Variants in TRANK1 observed in about 807,000 individuals in gnomAD.
TRANK1 encodes the protein tetratricopeptide repeat and ankyrin repeat containing 1.
TRANK1 carries 198 observed loss-of-function variants against 266.0 expected under a neutral mutation model. The observed-to-expected ratio is 0.74, with a 90% CI of 0.66 to 0.84. The LOEUF (loss-of-function observed/expected upper bound fraction) is 0.84. TRANK1 is among the 40% of genes least tolerant of loss of function. The probability of loss-of-function intolerance (pLI) is 0.00; values close to 1 mark genes in which losing one functional copy is unlikely to be tolerated. For missense variants in TRANK1, 3,326 were observed against 3,634.6 expected (o/e 0.92, Z 2.18); for synonymous variants, 1,396 against 1,384.1 (o/e 1.01, Z -0.19).
At position 36,857,277 on chromosome 3, in the gene TRANK1, A is replaced by G; in HGVS notation, c.2445T>C (p.Asp815=). The change falls in exon 13 of 24, where the codon GAT becomes GAC. Residue 815 remains aspartate, a synonymous_variant. Coordinates refer to ENST00000645898, the MANE Select transcript of TRANK1 (RefSeq NM_001329998.2). This position sits in a 1 kb window ranked among gnomAD's most constrained non-coding sequence, Gnocchi z 4.3. The part of the protein sequence containing the change: ...NRGKEGNDDQ[D]DWSTQEIEAC... ...CCTCAATCTCCTGCGTGCTCCAGTC[A>G]TCCTGATCATCATTGCCCTCCTTCC... 1 of 1,610,684 alleles carries G rather than the reference A, an allele frequency of 6.2e-7. No homozygotes were observed. The highest frequency in any genetic ancestry group is 8.5e-7 in the Non-Finnish European group (1 of 1,178,224).
intron 2 of TRANK1, among the ~76,000 whole-genome samples, chr3:36,907,920 G>GTAAGAAGCTGAAGGGGCA (rs2079996711): frequency 6.6e-6 from 1 of 152,212 alleles, no homozygotes; most frequent in African/African-American, 2.4e-5. Context: ...GAACAGGTCT[G>GTAAGAAGCTGAAGGGGCA]TAAGAAGCTG....
intron 17 of TRANK1, 30 bp downstream of exon 17, chr3:36,846,218 T>C: frequency 6.5e-7 from 1 of 1,534,798 alleles, no homozygotes; most frequent in East Asian, 2.4e-5. Context: ...GATTCCTCCA[T>C]CAGTTAAGAG....
chr3:36,924,646 A>C (rs1271785739), intron 1 of TRANK1, among the ~76,000 whole-genome samples: 2 of 152,138 alleles, frequency 1.3e-5, no homozygotes, highest in Non-Finnish European at 1.5e-5. Flanking sequence ...AGAGACAAAA[A>C]CCAGGCTCAA....
chr3:36,844,030 C>T (rs1179724250), intron 17 of TRANK1, among the ~76,000 whole-genome samples: 2 of 152,100 alleles, frequency 1.3e-5, no homozygotes, highest in Non-Finnish European at 2.9e-5. Flanking sequence ...CATACTGAAT[C>T]CAAACACAAT....
At chr3:36,838,537 G>C in intron 19 of TRANK1, 33 bp from the exon 20 acceptor site, 1 of 1,613,908 alleles carries the variant, frequency 6.2e-7, no homozygotes, top group Non-Finnish European at 8.5e-7. Flanking sequence ...ATATTTCCAC[G>C]GAACATTGAC....
rs1180042549 is a variant in TRANK1 at position 36,918,606 on chromosome 3, G to GGAAAGAAA, written c.24-10160_24-10153dup. Among the ~76,000 whole-genome samples, 46 of 22,134 alleles carry GGAAAGAAA rather than the reference G, an allele frequency of 2.1e-3. 3 individuals are homozygous for GGAAAGAAA. Among genetic ancestry groups the GGAAAGAAA allele is most frequent in the East Asian group, 2.8e-3 (2 of 704 alleles). 14.5% of individuals were successfully genotyped at this position (22,134 alleles called of 152,430 possible). On this transcript the variant is annotated intron_variant, in intron 1 of 23. Transcript: ENST00000645898. ...AGGAAGGAAGGAAGGAAGGAAGGAA[G>GGAAAGAAA]GAAAGAAAGAAAGAAAGAAAGAAAG...
chr3:36,865,031 T>G (rs1012616286), intron 9 of TRANK1, among the ~76,000 whole-genome samples: 1 of 144,966 alleles, frequency 6.9e-6, no homozygotes, highest in Non-Finnish European at 1.5e-5. Flanking sequence ...TTGGTTTTTT[T>G]TTTTTTTTTT....
chr3:36,917,325 T>A (rs2080139991), intron 1 of TRANK1, among the ~76,000 whole-genome samples: 1 of 152,082 alleles, frequency 6.6e-6, no homozygotes, highest in Non-Finnish European at 1.5e-5. Flanking sequence ...CAAATAGAAA[T>A]ATATTCTATA....
Position 36,855,471 on chromosome 3 carries a change from T to A in TRANK1, c.4251A>T (p.Ile1417=). The change falls in exon 13 of 24, where the codon ATA becomes ATT. Residue 1417 remains isoleucine, a synonymous_variant. Coordinates refer to ENST00000645898, the MANE Select transcript of TRANK1 (RefSeq NM_001329998.2). ...YFDEEDVLYN[I]SRRLSKLRVL... ...CCCTGAGCTTCGACAGCCTCCGGGA[T>A]ATGTTGTACAGAACATCCTCTTCAT... 3 of 1,613,962 alleles carry A rather than the reference T, an allele frequency of 1.9e-6. No individual in the cohort carries two copies. The highest frequency in any genetic ancestry group is 2.5e-6 in the Non-Finnish European group (3 of 1,179,882).
At chr3:36,879,355 A>C (rs907520343) in intron 8 of TRANK1, among the ~76,000 whole-genome samples, 3 of 151,574 alleles carry the variant, frequency 2.0e-5, no homozygotes, top group Non-Finnish European at 2.9e-5. Context: ...TTTACTGATA[A>C]AGGAAGCAAC....
At chr3:36,854,172 C>T (rs985292800) in intron 13 of TRANK1, among the ~76,000 whole-genome samples, 22 of 152,162 alleles carry the variant, frequency 1.4e-4, no homozygotes, top group Middle Eastern at 3.4e-3. Flanking sequence ...ACCAGCCTGA[C>T]GAACATAGTG....
intron 1 of TRANK1, among the ~76,000 whole-genome samples, chr3:36,918,765 G>T (rs1036156434): frequency 3.9e-5 from 6 of 152,006 alleles, no homozygotes; most frequent in Non-Finnish European, 5.9e-5. Context: ...TTTTCCTTAC[G>T]CACACTATGT....
At chr3:36,932,330 G>A (rs2080371531) in intron 1 of TRANK1, among the ~76,000 whole-genome samples, 1 of 152,184 alleles carries the variant, frequency 6.6e-6, no homozygotes, top group Admixed American at 6.5e-5. Context: ...CAGCACTTTG[G>A]GAGGTGGAGG....
chr3:36,945,418 C>T (rs1478192493), upstream of TRANK1, among the ~76,000 whole-genome samples: 2 of 152,176 alleles, frequency 1.3e-5, no homozygotes, highest in African/African-American at 4.8e-5. Flanking sequence ...CCCCTAGCTC[C>T]TACAGATGAG....
chr3:36,831,263 C>G lies in TRANK1; in HGVS notation c.8320G>C (p.Val2774Leu). ...TTCTCTGGGCCACGGGTAAACTTCA[C>G]TCCACATAGGTCACACTGGGTCCTG... ...VDRTQCDLCG[V>L]KFTRGPENYF... The change falls in exon 22 of 24, where the codon GTG becomes CTG. Residue 2774 changes from valine (V) to leucine (L), a missense_variant. Transcript: ENST00000645898. The surrounding 1 kb of genome is among the most constrained non-coding windows in gnomAD (Gnocchi z 5.0). The G allele has an allele frequency of 6.2e-7, 1 of 1,613,406 alleles. No individual in the cohort carries two copies. Among genetic ancestry groups the G allele is most frequent in the Non-Finnish European group, 8.5e-7 (1 of 1,179,878 alleles).
At chr3:36,939,721 T>C (rs2080470614) in intron 1 of TRANK1, among the ~76,000 whole-genome samples, 1 of 152,186 alleles carries the variant, frequency 6.6e-6, no homozygotes, top group Admixed American at 6.5e-5. Flanking sequence ...AAAACACTGC[T>C]GCCCCTTCAT....
At position 36,833,433 on chromosome 3, in the gene TRANK1, G is replaced by A; in HGVS notation, c.6150C>T (p.Phe2050=). The change falls in exon 22 of 24, where the codon TTC becomes TTT. Residue 2050 remains phenylalanine, a synonymous_variant. Coordinates refer to ENST00000645898, the MANE Select transcript of TRANK1 (RefSeq NM_001329998.2). ...AGTGGTTGAGCGTGTCAAACTTGAA[G>A]AAGGCATCCCTGAGCTTCTGAAAGT... is the stretch of plus-strand genomic sequence containing the variant. ...LRDFQKLRDA[F]FKFDTLNHSA... 6.2e-7 allele frequency: 1 copy of A among 1,613,834 alleles called. No individual in the cohort carries two copies. The highest frequency in any genetic ancestry group is 8.5e-7 in the Non-Finnish European group (1 of 1,179,782).
At chr3:36,930,326 T>C (rs2080344374) in intron 1 of TRANK1, among the ~76,000 whole-genome samples, 1 of 152,168 alleles carries the variant, frequency 6.6e-6, no homozygotes, top group Non-Finnish European at 1.5e-5. Context: ...GTCTTACACC[T>C]ACCAGGAACT....
chr3:36,873,467 C>T (rs7649846), intron 9 of TRANK1, among the ~76,000 whole-genome samples: 50,204 of 151,976 alleles, frequency 0.33, 9,294 homozygotes, highest in East Asian at 0.57. Context: ...GGACATTTGG[C>T]GATTCCTTTC....
Sources: gnomAD v4.1 joint callset for allele counts (sites outside exome capture counted in the v4.1 genomes callset) on GRCh38, gnomAD v4.1.1 for gene constraint, Gnocchi (gnomAD v3.1) non-coding constraint, MANE v1.5 for transcripts, NCBI Gene and HGNC (gene_info 2026-07-23, HGNC 2026-07-21) for gene names.